Variants in PCSK1 observed in about 807,000 individuals in gnomAD.
The protein encoded by PCSK1 is proprotein convertase subtilisin/kexin type 1.
PCSK1 carries 56 observed loss-of-function variants against 90.6 expected under a neutral mutation model. The ratio of observed to expected loss-of-function variants is 0.62; its 90% CI spans 0.50 to 0.77. The LOEUF (loss-of-function observed/expected upper bound fraction) is 0.77, where lower values mean the gene tolerates loss of function less well. PCSK1 is among the 30% of genes least tolerant of loss of function. The pLI is 0.00. For missense variants in PCSK1, 801 were observed against 932.6 expected, an observed-to-expected ratio of 0.86 and a Z score of 1.84; for synonymous variants, 348 against 342.4, an observed-to-expected ratio of 1.02 and a Z score of -0.18.
chr5:96,424,623 G>A (rs1057466909), intron 3 of PCSK1, among the ~76,000 whole-genome samples: 4 of 152,172 alleles, frequency 2.6e-5, no homozygotes, highest in African/African-American at 9.7e-5. Context: ...AAATGCACAA[G>A]TGTTAACTGA....
chr5:96,432,187 T>G, intron 1 of PCSK1: 1 of 1,497,758 alleles, frequency 6.7e-7, no homozygotes, highest in East Asian at 2.5e-5. Flanking sequence ...TTGGACTTTA[T>G]AAGTTCCCAG....
chr5:96,433,112 G>C lies in PCSK1; in HGVS notation c.-70C>G, dbSNP rs1364652821. On this transcript the variant is annotated 5_prime_UTR_variant, in exon 1 of 14. Transcript: ENST00000311106. ...AAGAAGCAAGATAGGAGAAAAGCCAGACAGACTCCCCCTTCCCACCCTCGG... is the reference window on the plus strand; with the variant it reads ...AAGAAGCAAGATAGGAGAAAAGCCACACAGACTCCCCCTTCCCACCCTCGG... The C allele has an allele frequency of 2.1e-6, 3 of 1,431,384 alleles. No homozygotes were observed. In the African/African-American group the frequency reaches 4.2e-5, roughly 20 times the overall value. The allele number at this position is 1,431,384 out of a possible 1,614,324, so 88.7% of individuals were successfully genotyped here.
intron 5 of PCSK1, among the ~76,000 whole-genome samples, chr5:96,416,863 C>A (rs1011172349): frequency 3.3e-5 from 5 of 152,164 alleles, no homozygotes; most frequent in Admixed American, 3.3e-4. Context: ...TTCCAAACAC[C>A]AAATTCCACC....
chr5:96,429,117 AAAC>A, intron 2 of PCSK1, 93 bp downstream of exon 2: 1 of 731,780 alleles, frequency 1.4e-6, no homozygotes, highest in Non-Finnish European at 2.4e-6. Context: ...AATAAAAAAA[AAAC>A]CACATTTGCA....
intron 2 of PCSK1, 103 bp downstream of exon 2, chr5:96,429,109 TA>T (rs139711271): frequency 0.029 from 17,127 of 600,082 alleles, 297 homozygotes; most frequent in African/African-American, 0.094. Context: ...TTGGTCACAA[TA>T]AAAAAAAAAC....
chr5:96,431,932 C>T (rs1761515024), intron 1 of PCSK1: 1 of 687,796 alleles, frequency 1.5e-6, no homozygotes, highest in South Asian at 1.5e-5. Context: ...AGAAGTCACA[C>T]TCCCTAGGGT....
At position 96,393,311 on chromosome 5, in the gene PCSK1, A is replaced by G. The variant is rs748442130; in HGVS notation, c.1952T>C (p.Val651Ala). The change falls in exon 14 of 14, where the codon GTA (valine) becomes GCA (alanine). Residue 651 changes from valine (V) to alanine (A), a missense_variant. Transcript: ENST00000311106. ...CTCCAACTCATCCCTCCGGCCCCCT[A>G]CGCTGCTGCTGCTGGGGCTTTTGGA... ...LVSKSPSSSS[V>A]GGRRDELEEG... is the part of the protein sequence containing the mutation. 1 of 1,614,034 alleles carries G rather than the reference A, an allele frequency of 6.2e-7. No homozygotes were observed. The highest frequency in any genetic ancestry group is 8.5e-7 in the Non-Finnish European group (1 of 1,179,976).
At chr5:96,407,800 T>C (rs1169420696) in intron 9 of PCSK1, among the ~76,000 whole-genome samples, 1 of 152,236 alleles carries the variant, frequency 6.6e-6, no homozygotes, top group Non-Finnish European at 1.5e-5. Context: ...AAAGGAGTTT[T>C]TTAAACTTGT....
At chr5:96,423,086 C>T (rs1423080124) in intron 4 of PCSK1, among the ~76,000 whole-genome samples, 1 of 152,190 alleles carries the variant, frequency 6.6e-6, no homozygotes, top group Non-Finnish European at 1.5e-5. Flanking sequence ...CTTCTCCCAA[C>T]ACATATACTT....
In PCSK1 at chr5:96,399,008, T is replaced by A. The variant is rs1404518360; in HGVS notation, c.1459A>T (p.Ile487Phe). The change falls in exon 11 of 14, where the codon ATT becomes TTT. Residue 487 changes from isoleucine to phenylalanine, a missense_variant. Ile to Phe is a conservative substitution (Grantham distance 21, BLOSUM62 0). Coordinates refer to ENST00000311106, the MANE Select transcript of PCSK1 (RefSeq NM_000439.5). ...RALKANGEVI[I>F]EIPTRACEGQ... ...TCACAAGCTCTTGTTGGAATTTCAA[T>A]GATAACTTCTCCATTAGCTTTCAGG... 6.2e-7 allele frequency: 1 copy of A among 1,612,554 alleles called. No individual in the cohort carries two copies. Among genetic ancestry groups the A allele is most frequent in the African/African-American group, 1.3e-5 (1 of 75,046 alleles).
In PCSK1 at chr5:96,412,750, A is replaced by ATTTTTTTTTTTT. The variant is rs1451878228; in HGVS notation, c.710-261_710-260insAAAAAAAAAAAA. Among the ~76,000 whole-genome samples, 48 of 63,400 alleles carry ATTTTTTTTTTTT rather than the reference A, an allele frequency of 7.6e-4. 3 individuals carry two copies. The highest frequency in any genetic ancestry group is 3.7e-3 in the African/African-American group (47 of 12,592). The allele number at this position is 63,400 out of a possible 152,430, so 41.6% of individuals were successfully genotyped here. On this transcript the variant is annotated intron_variant, in intron 6 of 13. Coordinates refer to ENST00000311106, the MANE Select transcript of PCSK1 (RefSeq NM_000439.5). ...ACCATGCACTGTGTAGGCAGCTGTGATGTTTTTTTTTTTTTTTTTTTTTTT... is the reference window on the plus strand; with the variant it reads ...ACCATGCACTGTGTAGGCAGCTGTGATTTTTTTTTTTTTGTTTTTTTTTTTTTTTTTTTTTTT...
At position 96,395,444 on chromosome 5, in the gene PCSK1, G is replaced by A. The variant is rs532525403; in HGVS notation, c.1723-419C>T. Among the ~76,000 whole-genome samples the A allele has an allele frequency of 5.3e-5, 8 of 152,294 alleles. No homozygotes were observed. In the East Asian group the frequency reaches 1.5e-3, roughly 29 times the overall value. On this transcript the variant is annotated intron_variant, in intron 12 of 13. Transcript: ENST00000311106. ...AAAAATTGTGTGGCACATATGCACTGTGGAATACTATGCAGCCATAAAAAA... is the reference window on the plus strand; with the variant it reads ...AAAAATTGTGTGGCACATATGCACTATGGAATACTATGCAGCCATAAAAAA...
rs1554057358 is a variant in PCSK1 at position 96,395,843 on chromosome 5, T to TGA, written c.1723-819_1723-818insTC. Among the ~76,000 whole-genome samples the TGA allele has an allele frequency of 4.6e-5, 7 of 151,954 alleles. No individual in the cohort carries two copies. In the East Asian group the frequency reaches 1.2e-3, roughly 25 times the overall value. On this transcript the variant is annotated intron_variant, in intron 12 of 13. Transcript: ENST00000311106. ...AGTTCAATGACAAAAAATAAATAAA[T>TGA]AAGAGGTCTATAAATTCAGTTACAA...
At chr5:96,416,924 C>T (rs1447314341) in intron 5 of PCSK1, among the ~76,000 whole-genome samples, 1 of 152,160 alleles carries the variant, frequency 6.6e-6, no homozygotes, top group Non-Finnish European at 1.5e-5. Flanking sequence ...CTTTTCCCAC[C>T]ACCATCCTGA....
At chr5:96,422,366 A>G (rs1385349311) in intron 4 of PCSK1, among the ~76,000 whole-genome samples, 1 of 152,208 alleles carries the variant, frequency 6.6e-6, no homozygotes, top group Non-Finnish European at 1.5e-5. Flanking sequence ...TTATGAATAT[A>G]GGTGCAAAGA....
chr5:96,399,893 A>G, intron 10 of PCSK1, 60 bp downstream of exon 10: 1 of 1,330,094 alleles, frequency 7.5e-7, no homozygotes, highest in Non-Finnish European at 1.1e-6. Context: ...AGAATGGCAA[A>G]CATAGTAATG....
At position 96,393,292 on chromosome 5, in the gene PCSK1, C is replaced by T. The variant is rs914963488; in HGVS notation, c.1971G>A (p.Glu657=). Residue 657 remains glutamate, a synonymous_variant, in exon 14 of 14, where the codon GAG becomes GAA. Coordinates refer to ENST00000311106, the MANE Select transcript of PCSK1 (RefSeq NM_000439.5). ...SSSSVGGRRD[E]LEEGAPSQAM... ...CCTGGGAAGGGGCTCCCTCCTCCAACTCATCCCTCCGGCCCCCTACGCTGC... is the reference window on the plus strand; with the variant it reads ...CCTGGGAAGGGGCTCCCTCCTCCAATTCATCCCTCCGGCCCCCTACGCTGC... 1.9e-6 allele frequency: 3 copies of T among 1,613,968 alleles called. No homozygotes were observed. Among genetic ancestry groups the T allele is most frequent in the Admixed American group, 3.3e-5 (2 of 59,996 alleles).
intron 5 of PCSK1, among the ~76,000 whole-genome samples, chr5:96,421,156 C>T (rs984982124): frequency 2.0e-5 from 3 of 152,190 alleles, no homozygotes; most frequent in African/African-American, 7.2e-5. Flanking sequence ...AGTTGAAAGT[C>T]TCTTGCCTCT....
intron 4 of PCSK1, 102 bp downstream of exon 4, chr5:96,423,208 GGGA>G: frequency 8.9e-7 from 1 of 1,119,346 alleles, no homozygotes; most frequent in Non-Finnish European, 1.3e-6. Flanking sequence ...CATAATCCCA[GGGA>G]CTGACACCAG....
Sources: gnomAD v4.1 joint callset for allele counts (sites outside exome capture counted in the v4.1 genomes callset) on GRCh38, gnomAD v4.1.1 for gene constraint, MANE v1.5 for transcripts, NCBI Gene and HGNC (gene_info 2026-07-23, HGNC 2026-07-21) for gene names.